The following DOCK7 variants were observed in gnomAD, a reference collection of about 807,000 sequenced individuals.
The protein encoded by DOCK7 is dedicator of cytokinesis 7.
A neutral mutation model predicts 271.0 loss-of-function variants in DOCK7; 138 were observed. The observed-to-expected ratio is 0.51, with a 90% CI of 0.44 to 0.59. DOCK7 has a LOEUF of 0.59. Among genes scored for constraint, DOCK7 ranks in the 20% least tolerant of loss-of-function variants. The pLI is 0.00. For synonymous variants in DOCK7, 823 were observed against 876.1 expected (o/e 0.94, Z 1.07); for missense variants, 2,066 against 2,592.4 (o/e 0.80, Z 4.41).
At chr1:62,609,624 T>A (rs1651488138) in intron 14 of DOCK7, 1 of 152,184 alleles carries the variant, frequency 6.6e-6, no homozygotes, top group Non-Finnish European at 1.5e-5. Flanking sequence ...TTTAAGTAAA[T>A]AATCTCTACA....
At chr1:62,574,906 T>A (rs1646899018) in intron 18 of DOCK7, among the ~76,000 whole-genome samples, 1 of 151,938 alleles carries the variant, frequency 6.6e-6, no homozygotes, top group Non-Finnish European at 1.5e-5. Context: ...ATTTTTTGTA[T>A]TTTTAGTAGA....
At position 62,478,737 on chromosome 1, in the gene DOCK7, A is replaced by C. The variant is rs151057952; in HGVS notation, c.5509-912T>G. The C allele has an allele frequency of 1.1e-4, 16 of 152,138 alleles. No homozygotes were observed. In the East Asian group the frequency reaches 2.1e-3, roughly 20 times the overall value. The allele number at this position is 152,138 out of a possible 1,614,324, so 9.4% of individuals were successfully genotyped here. On this transcript the variant is annotated intron_variant, in intron 43 of 49. Transcript: ENST00000635253. ...CCAGTAAAAAATTTTTATGTAGAAG[A>C]GTTACTAAAAATGGAACAGAAAAGG...
chr1:62,532,603 G>A (rs1645209000), intron 29 of DOCK7, among the ~76,000 whole-genome samples: 1 of 152,168 alleles, frequency 6.6e-6, no homozygotes. Flanking sequence ...GCAAAGTGTT[G>A]GGATTACAGG....
intron 19 of DOCK7, 85 bp downstream of exon 19, chr1:62,561,532 G>C: frequency 1.4e-6 from 1 of 713,350 alleles, no homozygotes; most frequent in Non-Finnish European, 2.1e-6. Flanking sequence ...ATTTATGACA[G>C]GTAACAAAAC....
chr1:62,521,846 G>A (rs1409221454), intron 31 of DOCK7, among the ~76,000 whole-genome samples: 3 of 152,040 alleles, frequency 2.0e-5, no homozygotes, highest in Admixed American at 6.6e-5. Flanking sequence ...CACAGTGGCA[G>A]GCACCTGTAA....
chr1:62,665,707 T>C (rs1571950904), intron 1 of DOCK7, among the ~76,000 whole-genome samples: 3 of 63,896 alleles, frequency 4.7e-5, no homozygotes, highest in Admixed American at 3.0e-4. Flanking sequence ...AGAGCGAGAC[T>C]CCATCTCAAA....
intron 29 of DOCK7, among the ~76,000 whole-genome samples, chr1:62,534,236 G>A (rs1645268561): frequency 6.6e-6 from 1 of 152,120 alleles, no homozygotes; most frequent in Non-Finnish European, 1.5e-5. Context: ...CTGACCTCAA[G>A]TGATCTGACT....
At position 62,475,497 on chromosome 1, in the gene DOCK7, GA is replaced by G. The variant is rs11330816; in HGVS notation, c.5962-147del. On this transcript the variant is annotated intron_variant, in intron 46 of 49. Coordinates refer to ENST00000635253, the MANE Select transcript of DOCK7 (RefSeq NM_001367561.1). ...AAATTCCAAACTTGGATTCCTAAAT[GA>G]AAAAAAAAAAATCAACCTTTTAAAG... The G allele has an allele frequency of 0.58, 511,763 of 879,026 alleles. 123,363 individuals are homozygous for G. Among genetic ancestry groups the G allele is most frequent in the East Asian group, 0.7 (22,535 of 32,108 alleles). The allele number at this position is 879,026 out of a possible 1,614,324, so 54.5% of individuals were successfully genotyped here. A position where few individuals can be genotyped will look rare whatever the true frequency, so the allele number is the denominator to read the frequency against.
At chr1:62,646,258 TA>T in intron 7 of DOCK7, among the ~76,000 whole-genome samples, 1 of 151,714 alleles carries the variant, frequency 6.6e-6, no homozygotes, top group South Asian at 2.1e-4. Flanking sequence ...AATGGCCACA[TA>T]TAATTCCACT....
chr1:62,628,720 T>C (rs1324219078), intron 11 of DOCK7: 1 of 152,168 alleles, frequency 6.6e-6, no homozygotes, highest in East Asian at 1.9e-4. Flanking sequence ...TTAAAACTTC[T>C]GTGCTACGAA....
intron 1 of DOCK7, 48 bp from the exon 2 acceptor site, chr1:62,663,178 A>T (rs571669439): frequency 7.3e-7 from 1 of 1,367,190 alleles, no homozygotes; most frequent in South Asian, 1.3e-5. Context: ...AAAAAAAAAA[A>T]CTAAACTAGT....
At chr1:62,594,860 G>C (rs1183178995) in intron 14 of DOCK7, among the ~76,000 whole-genome samples, 1 of 152,080 alleles carries the variant, frequency 6.6e-6, no homozygotes, top group Non-Finnish European at 1.5e-5. Context: ...ACTAGCAAGT[G>C]GATGAAATAT....
At position 62,553,346 on chromosome 1, in the gene DOCK7, ATATATATATTTTTTTTTTTTTTTTTTTTT is replaced by A. The variant is rs1189539717; in HGVS notation, c.2597-474_2597-446del. Reference sequence around the variant, plus strand: ...TATATATATATATATATATATATATATATATATATTTTTTTTTTTTTTTTTTTTTTTTTTTTTTTAATAGGCAGGTGCCA... The same window carrying A: ...TATATATATATATATATATATATATATTTTTTTTTTAATAGGCAGGTGCCA... On this transcript the variant is annotated intron_variant, in intron 21 of 49. Coordinates refer to ENST00000635253, the MANE Select transcript of DOCK7 (RefSeq NM_001367561.1). Among the ~76,000 whole-genome samples, 57 of 24,404 alleles carry A rather than the reference ATATATATATTTTTTTTTTTTTTTTTTTTT, an allele frequency of 2.3e-3. 1 individual carries two copies. In the East Asian group the frequency reaches 0.032, roughly 14 times the overall value. 16.0% of individuals were successfully genotyped at this position (24,404 alleles called of 152,430 possible).
chr1:62,653,237 G>C (rs898255571), intron 4 of DOCK7, among the ~76,000 whole-genome samples: 3 of 152,106 alleles, frequency 2.0e-5, no homozygotes, highest in Admixed American at 1.3e-4. Context: ...ATTTTGGCTA[G>C]AACAAAACAT....
At chr1:62,493,264 T>C (rs1646517925) in intron 40 of DOCK7, among the ~76,000 whole-genome samples, 1 of 152,182 alleles carries the variant, frequency 6.6e-6, no homozygotes, top group African/African-American at 2.4e-5. Context: ...TCAGGTATAA[T>C]AAAAGCCCTC....
intron 28 of DOCK7, among the ~76,000 whole-genome samples, chr1:62,537,044 G>C (rs575236436): frequency 4.7e-4 from 71 of 152,286 alleles, no homozygotes; most frequent in Middle Eastern, 3.4e-3. Flanking sequence ...GGATACAAGA[G>C]AGTTAAGCAG....
chr1:62,616,669 A>G (rs1279067239), intron 14 of DOCK7, among the ~76,000 whole-genome samples: 2 of 151,780 alleles, frequency 1.3e-5, no homozygotes, highest in African/African-American at 2.4e-5. Flanking sequence ...TATGTAATGT[A>G]TAAGATTTCT....
chr1:62,487,352 T>TA (rs773867341), intron 43 of DOCK7, 46 bp downstream of exon 43: 3 of 1,587,702 alleles, frequency 1.9e-6, no homozygotes, highest in Non-Finnish European at 2.6e-6. Flanking sequence ...AGAAATCTGA[T>TA]AAAATCAATC....
At chr1:62,670,075 G>A (rs1383280769) in intron 1 of DOCK7, among the ~76,000 whole-genome samples, 3 of 152,202 alleles carry the variant, frequency 2.0e-5, no homozygotes, top group Admixed American at 6.5e-5. Flanking sequence ...CAGCAGTGCC[G>A]GCCCACCGGT....
Sources: gnomAD v4.1 joint callset for allele counts (sites outside exome capture counted in the v4.1 genomes callset) on GRCh38, gnomAD v4.1.1 for gene constraint, MANE v1.5 for transcripts, NCBI Gene and HGNC (gene_info 2026-07-23, HGNC 2026-07-21) for gene names.